The following MID2 variants were observed in gnomAD, a reference collection of about 807,000 sequenced individuals.
The protein encoded by MID2 is midline 2.
In MID2, 13 loss-of-function variants were observed where a neutral mutation model predicts 46.1. The ratio of observed to expected loss-of-function variants is 0.28; its 90% confidence interval spans 0.18 to 0.45. The LOEUF is 0.45. MID2 is among the 20% of genes least tolerant of loss of function. MID2 has a pLI of 1.00. For synonymous variants in MID2, 199 were observed against 212.3 expected (o/e 0.94, Z 0.55); for missense variants, 431 against 575.4 (o/e 0.75, Z 2.57).
chrX:107,878,957 C>T (rs1932262304), intron 3 of MID2, among the ~76,000 whole-genome samples: 1 of 111,869 alleles, frequency 8.9e-6, no homozygotes, highest in Admixed American at 9.5e-5. Flanking sequence ...TGCTTCAGTG[C>T]TGGCAGGGAT....
intron 3 of MID2, among the ~76,000 whole-genome samples, chrX:107,857,759 A>G (rs191877283): frequency 1.2e-4 from 13 of 112,032 alleles, no homozygotes; most frequent in African/African-American, 4.2e-4. Flanking sequence ...GTATAGTAGA[A>G]TACTGTCAGT....
intron 2 of MID2, among the ~76,000 whole-genome samples, chrX:107,842,787 T>A (rs771592488): frequency 7.6e-4 from 85 of 112,319 alleles, no homozygotes; most frequent in Non-Finnish European, 1.3e-3. Flanking sequence ...TAACTTCAGT[T>A]CTTAGACTCA....
chrX:107,879,550 C>T (rs1208342424), intron 3 of MID2, among the ~76,000 whole-genome samples: 1 of 111,720 alleles, frequency 9.0e-6, no homozygotes, highest in Non-Finnish European at 1.9e-5. Flanking sequence ...TTTTTATGGG[C>T]ACAGGGTGGT....
chrX:107,907,947 C>T (rs1932850286), intron 5 of MID2, among the ~76,000 whole-genome samples: 1 of 111,617 alleles, frequency 9.0e-6, no homozygotes, highest in African/African-American at 3.3e-5. Context: ...CTCACTTAAT[C>T]CTCAAAAAAA....
chrX:107,916,251 G>A, intron 6 of MID2, 122 bp downstream of exon 6: 1 of 533,707 alleles, frequency 1.9e-6, no homozygotes, highest in Non-Finnish European at 2.7e-6. Flanking sequence ...TTAAAATGAT[G>A]CATGTGTCTT....
At chrX:107,876,040 C>T (rs1932191529) in intron 3 of MID2, among the ~76,000 whole-genome samples, 1 of 111,796 alleles carries the variant, frequency 8.9e-6, no homozygotes, top group Non-Finnish European at 1.9e-5. Flanking sequence ...CCAGTGGTCC[C>T]CACTACAGAT....
intron 3 of MID2, chrX:107,901,348 T>C (rs1932793193): frequency 9.0e-6 from 1 of 111,677 alleles, no homozygotes; most frequent in Non-Finnish European, 1.9e-5. Context: ...CAGAGTTTAC[T>C]GAACCTGAGT....
At chrX:107,873,803 G>A (rs748028890) in intron 3 of MID2, among the ~76,000 whole-genome samples, 8 of 111,181 alleles carry the variant, frequency 7.2e-5, no homozygotes, top group Non-Finnish European at 1.3e-4. Flanking sequence ...AAAAACCGAG[G>A]ATAATAGTCT....
chrX:107,830,369 G>A (rs189979117), intron 1 of MID2, among the ~76,000 whole-genome samples: 1 of 111,607 alleles, frequency 9.0e-6, no homozygotes, highest in Non-Finnish European at 1.9e-5. Flanking sequence ...CATGGGGCTC[G>A]GCTGCTAGTA....
intron 2 of MID2, among the ~76,000 whole-genome samples, chrX:107,843,323 C>T (rs1043343914): frequency 2.7e-5 from 3 of 111,862 alleles, no homozygotes; most frequent in Non-Finnish European, 5.6e-5. Flanking sequence ...AGAAAACTAG[C>T]TATTTGAAAA....
At chrX:107,878,076 A>T (rs1229051559) in intron 3 of MID2, among the ~76,000 whole-genome samples, 2 of 111,062 alleles carry the variant, frequency 1.8e-5, no homozygotes, top group Non-Finnish European at 3.8e-5. Context: ...GGGTTCCTTT[A>T]ATCACTGTAT....
chrX:107,847,551 G>A (rs1178070888), intron 2 of MID2, among the ~76,000 whole-genome samples: 1 of 112,046 alleles, frequency 8.9e-6, no homozygotes, highest in African/African-American at 3.2e-5. Flanking sequence ...AGGTGGAGAT[G>A]TCTTGAAGGA....
rs1179349041 is a variant in MID2 at position 107,886,072 on chromosome X, G to T, written c.817-17886G>T. On this transcript the variant is annotated intron_variant, in intron 3 of 9. Transcript: ENST00000262843. ...AAAAATTTTCTCCCATTCTGTAGGT[G>T]GCCTGTTCACTCTGATGGTAGTTTC... 9.9e-5 allele frequency among the ~76,000 whole-genome samples: 11 copies of T among 111,244 alleles called. No individual in the cohort carries two copies. The South Asian group carries it at 1.5e-3, about 15-fold the overall frequency.
At chrX:107,892,198 A>G (rs1317988443) in intron 3 of MID2, among the ~76,000 whole-genome samples, 1 of 112,020 alleles carries the variant, frequency 8.9e-6, no homozygotes, top group East Asian at 2.8e-4. Context: ...AGACTTAAGA[A>G]GGCGGAAACA....
At chrX:107,845,055 T>C (rs1303406437) in intron 2 of MID2, among the ~76,000 whole-genome samples, 2 of 111,867 alleles carry the variant, frequency 1.8e-5, no homozygotes, top group Non-Finnish European at 3.8e-5. Context: ...GATATAAATC[T>C]GTCTTGCCAT....
chrX:107,875,734 A>C (rs1932182770), intron 3 of MID2, among the ~76,000 whole-genome samples: 1 of 111,600 alleles, frequency 9.0e-6, no homozygotes, highest in Non-Finnish European at 1.9e-5. Context: ...GCTACAACTA[A>C]AGAGTTGGAA....
chrX:107,900,173 T>C (rs763338702), intron 3 of MID2, among the ~76,000 whole-genome samples: 18 of 111,552 alleles, frequency 1.6e-4, no homozygotes, highest in Non-Finnish European at 3.0e-4. Flanking sequence ...TCTCCCCTGA[T>C]GTGACTGTCC....
intron 3 of MID2, among the ~76,000 whole-genome samples, chrX:107,888,625 A>G (rs1045202687): frequency 3.6e-5 from 4 of 111,966 alleles, no homozygotes; most frequent in African/African-American, 1.3e-4. Context: ...GTAAATGTCT[A>G]TTAGGTCTGC....
At chrX:107,896,800 C>CCT (rs1168462435) in intron 3 of MID2, among the ~76,000 whole-genome samples, 2 of 108,296 alleles carry the variant, frequency 1.8e-5, no homozygotes, top group African/African-American at 6.9e-5. Context: ...GTGAGCACAG[C>CCT]CTCTCTCTCT....
Sources: allele counts gnomAD v4.1 joint callset (sites outside exome capture counted in the v4.1 genomes callset), GRCh38; gene constraint gnomAD v4.1.1; transcripts MANE v1.5; gene names NCBI Gene and HGNC (gene_info 2026-07-23, HGNC 2026-07-21).